CCR7: variants seen among roughly 807,000 people sequenced by gnomAD.
CCR7 encodes C-C chemokine receptor type 7.
A neutral mutation model predicts 26.0 loss-of-function variants in CCR7; 11 were observed. The observed-to-expected ratio is 0.42, with a 90% CI of 0.27 to 0.70. The LOEUF is 0.70. Ranked by LOEUF, CCR7 falls within the 30% of genes least tolerant of loss-of-function variation. The probability of loss-of-function intolerance (pLI) is 0.23; values close to 1 mark genes in which losing one functional copy is unlikely to be tolerated. For missense variants in CCR7, 360 were observed against 504.0 expected (o/e 0.71, Z 2.74); for synonymous variants, 189 against 202.1 (o/e 0.94, Z 0.55).
chr17:40,554,745 T>G lies in CCR7; in HGVS notation c.1134A>C (p.Pro378=). The change falls in exon 3 of 3, where the codon CCA becomes CCC. Residue 378 remains proline (P), a synonymous_variant. Transcript: ENST00000246657. ...CTAGTCCAGGCAGAAGAGTCGCCTA[T>G]GGGGAGAAGGTGGTGGTGGTCTCGG... ...VEAETTTTFS[P] 1 of 1,604,042 alleles carries G rather than the reference T, an allele frequency of 6.2e-7. No individual in the cohort carries two copies. The highest frequency in any genetic ancestry group is 8.5e-7 in the Non-Finnish European group (1 of 1,173,902).
intron 1 of CCR7, among the ~76,000 whole-genome samples, chr17:40,562,141 A>G (rs1158728368): frequency 6.6e-6 from 1 of 151,890 alleles, no homozygotes; most frequent in Admixed American, 6.6e-5. Flanking sequence ...AAACCCTCCA[A>G]CTCCAGCAAC....
intron 1 of CCR7, among the ~76,000 whole-genome samples, chr17:40,559,678 C>T (rs2143914356): frequency 6.6e-6 from 1 of 152,370 alleles, no homozygotes; most frequent in Admixed American, 6.5e-5. Context: ...ACAGAGATCC[C>T]TTCCCTTTTA....
At chr17:40,561,435 A>G (rs977081335) in intron 1 of CCR7, among the ~76,000 whole-genome samples, 1 of 152,208 alleles carries the variant, frequency 6.6e-6, no homozygotes, top group African/African-American at 2.4e-5. Context: ...AAAGTCATAA[A>G]GAAACTGGTC....
At chr17:40,564,182 T>A (rs1008798997) in intron 1 of CCR7, among the ~76,000 whole-genome samples, 1 of 152,174 alleles carries the variant, frequency 6.6e-6, no homozygotes, top group Admixed American at 6.5e-5. Context: ...TTTCAAAAAC[T>A]AAACTCTACG....
At position 40,555,051 on chromosome 17, in the gene CCR7, C is replaced by G; in HGVS notation, c.828G>C (p.Gln276His). Residue 276 changes from glutamine to histidine, a missense_variant, in exon 3 of 3, where the codon CAG (glutamine) becomes CAC (histidine). Gln to His is a conservative substitution (Grantham distance 24). Coordinates refer to ENST00000246657, the MANE Select transcript of CCR7 (RefSeq NM_001838.4). The surrounding 1 kb of genome is among the most constrained non-coding windows in gnomAD (Gnocchi z 5.6). ...CCAGGACCACCCCATTGTAGGGCAG[C>G]TGGAAGACTATGAAGACCACGACCA... is the stretch of plus-strand genomic sequence containing the variant. ...IAVVVVFIVFQLPYNGVVLAQ... is the reference protein window; with the variant it reads ...IAVVVVFIVFHLPYNGVVLAQ... 6 of 1,614,156 alleles carry G rather than the reference C, an allele frequency of 3.7e-6. No homozygotes were observed. The highest frequency in any genetic ancestry group is 5.1e-6 in the Non-Finnish European group (6 of 1,180,034).
intron 2 of CCR7, 49 bp downstream of exon 2, chr17:40,558,844 G>A (rs1224731289): frequency 4.5e-6 from 7 of 1,552,470 alleles, no homozygotes; most frequent in Admixed American, 1.7e-5. Flanking sequence ...CCTGACTTGG[G>A]AGGCCGTGTG....
At position 40,555,501 on chromosome 17, in the gene CCR7, G is replaced by A; in HGVS notation, c.378C>T (p.Val126=). Residue 126 remains valine, a synonymous_variant, in exon 3 of 3, where the codon GTC becomes GTT. Coordinates refer to ENST00000246657, the MANE Select transcript of CCR7 (RefSeq NM_001838.4). The surrounding 1 kb of genome is among the most constrained non-coding windows in gnomAD (Gnocchi z 5.6). ...TGGCAAAGATGAGCTTGCAAAAGTG[G>A]ACACCGAAGACCCAGGACTTGGCCG... ...YSAAKSWVFG[V]HFCKLIFAIY... 1.2e-6 allele frequency: 2 copies of A among 1,614,060 alleles called. No individual in the cohort carries two copies. The highest frequency in any genetic ancestry group is 2.2e-5 in the East Asian group (1 of 44,886).
At chr17:40,558,711 T>C (rs1477190077) in intron 2 of CCR7, among the ~76,000 whole-genome samples, 182 bp downstream of exon 2, 1 of 152,110 alleles carries the variant, frequency 6.6e-6, no homozygotes, top group Non-Finnish European at 1.5e-5. Context: ...CCAGAGAACA[T>C]CTGTGGCTCT....
intron 1 of CCR7, 61 bp downstream of exon 1, chr17:40,565,339 G>C (rs1196648260): frequency 8.3e-6 from 12 of 1,447,572 alleles, no homozygotes; most frequent in Non-Finnish European, 1.2e-5. Context: ...CATTCCACAG[G>C]GTCAGTCTGG....
At position 40,555,103 on chromosome 17, in the gene CCR7, T is replaced by C. The variant is rs761587861; in HGVS notation, c.776A>G (p.Asn259Ser). ...TLLQARNFERNKAIKVIIAVV... is the reference protein window; with the variant it reads ...TLLQARNFERSKAIKVIIAVV... ...AGCGATGATCACCTTGATGGCCTTG[T>C]TGCGCTCAAAGTTGCGTGCCTGGAG... The change falls in exon 3 of 3, where the codon AAC (asparagine) becomes AGC (serine). Residue 259 changes from asparagine to serine, a missense_variant. Coordinates refer to ENST00000246657, the MANE Select transcript of CCR7 (RefSeq NM_001838.4). The surrounding 1 kb of genome is among the most constrained non-coding windows in gnomAD (Gnocchi z 5.6). 2.2e-5 allele frequency: 35 copies of C among 1,614,052 alleles called. No homozygotes were observed. The highest frequency in any genetic ancestry group is 3.0e-5 in the Non-Finnish European group (35 of 1,180,040).
At chr17:40,559,565 G>A (rs770368965) in intron 1 of CCR7, among the ~76,000 whole-genome samples, 7 of 152,196 alleles carry the variant, frequency 4.6e-5, no homozygotes, top group Admixed American at 2.6e-4. Flanking sequence ...GATGGAGACT[G>A]CCTCAGGGCT....
intron 1 of CCR7, among the ~76,000 whole-genome samples, chr17:40,561,374 C>G (rs1404671660): frequency 6.6e-6 from 1 of 152,124 alleles, no homozygotes; most frequent in Non-Finnish European, 1.5e-5. Context: ...TTGTATGTGG[C>G]AAAAGGGAGC....
In CCR7 at chr17:40,554,806, C is replaced by A; in HGVS notation, c.1073G>T (p.Cys358Phe). The A allele has an allele frequency of 3.1e-6, 5 of 1,614,156 alleles. No individual in the cohort carries two copies. The highest frequency in any genetic ancestry group is 4.2e-6 in the Non-Finnish European group (5 of 1,180,028). Residue 358 changes from cysteine to phenylalanine, a missense_variant, in exon 3 of 3, where the codon TGT (cysteine) becomes TTT (phenylalanine). Physicochemically the swap from Cys to Phe is radical, Grantham distance 205 (BLOSUM62 -2). Transcript: ENST00000246657. ...CATGGAGGAGCGCCGGATGTGCCGA[C>A]AGGAAGACCACTGCCGGAGCTGCTC... Reference protein sequence around the residue: ...SQEQLRQWSSCRHIRRSSMSV... With the variant: ...SQEQLRQWSSFRHIRRSSMSV...
chr17:40,558,908 GAGA>G lies in CCR7; in HGVS notation c.42_44del (p.Leu16del), dbSNP rs1405947030. 1 of 1,613,830 alleles carries G rather than the reference GAGA, an allele frequency of 6.2e-7. No homozygotes were observed. ...AGAACCTCACCTGGAAAATGACAAGGAGAGCCACCACCAGCACGCTTTTCATTG... is the reference window on the plus strand; with the variant it reads ...AGAACCTCACCTGGAAAATGACAAGGGCCACCACCAGCACGCTTTTCATTG... On this transcript the variant is annotated inframe_deletion, in exon 2 of 3. Coordinates refer to ENST00000246657, the MANE Select transcript of CCR7 (RefSeq NM_001838.4).
chr17:40,555,438 A>T lies in CCR7; in HGVS notation c.441T>A (p.Leu147=), dbSNP rs764186549. 6.2e-7 allele frequency: 1 copy of T among 1,613,814 alleles called. No homozygotes were observed. Among genetic ancestry groups the T allele is most frequent in the Non-Finnish European group, 8.5e-7 (1 of 1,180,034 alleles). The change falls in exon 3 of 3, where the codon CTT becomes CTA. Residue 147 remains leucine (L), a synonymous_variant. Transcript: ENST00000246657. The surrounding 1 kb of genome is among the most constrained non-coding windows in gnomAD (Gnocchi z 5.6). ...KMSFFSGMLL[L]LCISIDRYVA... is the part of the protein sequence containing the mutation. Reference sequence around the variant, plus strand: ...CGTAGCGGTCAATGCTGATGCAAAGAAGTAGGAGCATGCCACTGAAGAAGC... The same window carrying T: ...CGTAGCGGTCAATGCTGATGCAAAGTAGTAGGAGCATGCCACTGAAGAAGC...
chr17:40,563,269 G>A (rs539525398), intron 1 of CCR7, among the ~76,000 whole-genome samples: 125 of 152,218 alleles, frequency 8.2e-4, no homozygotes, highest in Non-Finnish European at 1.3e-3. Context: ...AGGCTGCAGC[G>A]TTCCTCTCCT....
Position 40,554,233 on chromosome 17 carries a change from C to T in CCR7, c.*509G>A, listed in dbSNP as rs2036550295. 1 of 153,822 alleles carries T rather than the reference C, an allele frequency of 6.5e-6. No homozygotes were observed. Among genetic ancestry groups the T allele is most frequent in the Admixed American group, 6.5e-5 (1 of 15,450 alleles). The allele number at this position is 153,822 out of a possible 1,614,324, so 9.5% of individuals were successfully genotyped here. A position where few individuals can be genotyped will look rare whatever the true frequency, so the allele number is the denominator to read the frequency against. On this transcript the variant is annotated 3_prime_UTR_variant, in exon 3 of 3. Transcript: ENST00000246657. ...GAAGAAAACGATGGAGGGAGGGGTT[C>T]AGAGAGTTTGTTTGACCAGCTGATG...
Position 40,555,952 on chromosome 17 carries a change from C to T in CCR7, c.61-134G>A. 1.6e-6 allele frequency: 1 copy of T among 627,158 alleles called. No homozygotes were observed. The highest frequency in any genetic ancestry group is 2.8e-5 in the East Asian group (1 of 35,402). The allele number at this position is 627,158 out of a possible 1,614,324, so 38.8% of individuals were successfully genotyped here. A position where few individuals can be genotyped will look rare whatever the true frequency, so the allele number is the denominator to read the frequency against. On this transcript the variant is annotated intron_variant, in intron 2 of 2. Coordinates refer to ENST00000246657, the MANE Select transcript of CCR7 (RefSeq NM_001838.4). This position sits in a 1 kb window ranked among gnomAD's most constrained non-coding sequence, Gnocchi z 5.6. ...ACATGGTCTCACTCTGTTGCCCAGG[C>T]TGGAGTGCAGTGGTGCAATCATGGC...
In CCR7 at chr17:40,563,222, G is replaced by T. The variant is rs541626690; in HGVS notation, c.10+2178C>A. 1.4e-3 allele frequency among the ~76,000 whole-genome samples: 215 copies of T among 152,220 alleles called. 1 individual carries two copies. In the South Asian group the frequency reaches 0.021, roughly 15 times the overall value. On this transcript the variant is annotated intron_variant, in intron 1 of 2. Coordinates refer to ENST00000246657, the MANE Select transcript of CCR7 (RefSeq NM_001838.4). ...AACAATGAGAGTTGCCTGAATGTCCGAAGCAAAGAGGAGAGATTTTTTCCA... is the reference window on the plus strand; with the variant it reads ...AACAATGAGAGTTGCCTGAATGTCCTAAGCAAAGAGGAGAGATTTTTTCCA...
Sources: gnomAD v4.1 joint callset for allele counts (sites outside exome capture counted in the v4.1 genomes callset) on GRCh38, gnomAD v4.1.1 for gene constraint, Gnocchi (gnomAD v3.1) non-coding constraint, MANE v1.5 for transcripts, NCBI Gene and HGNC (gene_info 2026-07-23, HGNC 2026-07-21) for gene names.